The following KIAA1671 variants were observed in gnomAD, a reference collection of about 807,000 sequenced individuals.
The protein encoded by KIAA1671 is uncharacterized protein KIAA1671.
A neutral mutation model predicts 131.2 loss-of-function variants in KIAA1671; 52 were observed. The ratio of observed to expected loss-of-function variants is 0.40; its 90% CI spans 0.32 to 0.50. The LOEUF is 0.50. Ranked by LOEUF, KIAA1671 falls within the 20% of genes least tolerant of loss-of-function variation. The pLI is 0.73. For synonymous variants in KIAA1671, 1,003 were observed against 961.6 expected (o/e 1.04, Z -0.80); for missense variants, 2,360 against 2,364.2 (o/e 1.00, Z 0.04).
chr22:25,080,796 T>A (rs1367370870), intron 6 of KIAA1671, among the ~76,000 whole-genome samples: 1 of 152,122 alleles, frequency 6.6e-6, no homozygotes, highest in East Asian at 1.9e-4. Context: ...GTCTTTGCCA[T>A]ATGTAAAATA....
chr22:25,092,516 C>A (rs1035562493), intron 6 of KIAA1671, among the ~76,000 whole-genome samples: 1 of 152,036 alleles, frequency 6.6e-6, no homozygotes, highest in Non-Finnish European at 1.5e-5. Context: ...AGGCTAACCT[C>A]GTAGGATGGA....
At chr22:25,121,279 G>C (rs191096039) in intron 6 of KIAA1671, among the ~76,000 whole-genome samples, 1 of 152,026 alleles carries the variant, frequency 6.6e-6, no homozygotes, top group Non-Finnish European at 1.5e-5. Flanking sequence ...TGGCTAACAC[G>C]GTGAAAACCT....
chr22:25,111,163 G>A (rs904444244), intron 6 of KIAA1671, among the ~76,000 whole-genome samples: 1 of 152,204 alleles, frequency 6.6e-6, no homozygotes, highest in Non-Finnish European at 1.5e-5. Context: ...TGTAACCTTA[G>A]AGGCAGAAGC....
At chr22:25,096,681 C>T (rs936414420) in intron 6 of KIAA1671, among the ~76,000 whole-genome samples, 1 of 152,180 alleles carries the variant, frequency 6.6e-6, no homozygotes, top group Admixed American at 6.5e-5. Flanking sequence ...TGAGTTTTGA[C>T]GTATGTGTAT....
intron 6 of KIAA1671, among the ~76,000 whole-genome samples, chr22:25,107,467 C>A (rs1165375776): frequency 4.7e-5 from 4 of 85,480 alleles, no homozygotes; most frequent in Non-Finnish European, 6.1e-5. Context: ...CCATCCATGG[C>A]ACTTTTTTTT....
At position 25,084,970 on chromosome 22, in the gene KIAA1671, C is replaced by T. The variant is rs371095477; in HGVS notation, c.4530+35606C>T. 2.0e-5 allele frequency among the ~76,000 whole-genome samples: 3 copies of T among 152,222 alleles called. No homozygotes were observed. In the East Asian group the frequency reaches 5.8e-4, roughly 29 times the overall value. The stretch of plus-strand genomic sequence containing the variant: ...TGAGTGTTGTGGCAAAGAAGGCAAA[C>T]GCCACACTTCCCTTTATGATGGCTG... On this transcript the variant is annotated intron_variant, in intron 6 of 12. Transcript: ENST00000358431.
intron 6 of KIAA1671, among the ~76,000 whole-genome samples, chr22:25,067,509 TTC>T (rs1477168073): frequency 6.6e-5 from 10 of 151,918 alleles, no homozygotes; most frequent in Middle Eastern, 6.8e-3. Context: ...TCTCTCGTCT[TTC>T]TCTTTTTCTC....
chr22:25,116,933 G>A (rs935994671), intron 6 of KIAA1671, among the ~76,000 whole-genome samples: 7 of 152,176 alleles, frequency 4.6e-5, no homozygotes, highest in Non-Finnish European at 8.8e-5. Context: ...AACTATTGCT[G>A]TATATTAGAG....
chr22:25,025,428 T>C (rs1925893062), intron 1 of KIAA1671, among the ~76,000 whole-genome samples: 1 of 152,174 alleles, frequency 6.6e-6, no homozygotes, highest in South Asian at 2.1e-4. Context: ...ACAGGGAAGA[T>C]TTTTATTGAG....
intron 2 of KIAA1671, among the ~76,000 whole-genome samples, chr22:25,026,869 C>G (rs928294840): frequency 1.3e-5 from 2 of 152,148 alleles, no homozygotes; most frequent in Non-Finnish European, 1.5e-5. Context: ...TTCCTTCATT[C>G]TTGACTTTTG....
intron 9 of KIAA1671, chr22:25,179,207 G>T (rs1002001986): frequency 4.3e-6 from 5 of 1,170,258 alleles, no homozygotes; most frequent in Admixed American, 4.0e-5. Context: ...GGGCGGGGGT[G>T]GGGGAGGAGG....
At chr22:25,164,007 C>T (rs2145999051) in intron 6 of KIAA1671, among the ~76,000 whole-genome samples, 1 of 152,232 alleles carries the variant, frequency 6.6e-6, no homozygotes, top group South Asian at 2.1e-4. Context: ...ACATGTTACC[C>T]TGTCTCCCCA....
At chr22:25,133,863 T>C (rs1248864238) in intron 6 of KIAA1671, among the ~76,000 whole-genome samples, 2 of 152,186 alleles carry the variant, frequency 1.3e-5, no homozygotes, top group Admixed American at 6.5e-5. Flanking sequence ...TTGATTTTTA[T>C]TGGGCGGAGA....
At chr22:25,175,810 T>A (rs1049436994) in intron 8 of KIAA1671, 4 of 152,278 alleles carry the variant, frequency 2.6e-5, no homozygotes, top group Admixed American at 2.0e-4. Flanking sequence ...GGCCATGGAG[T>A]GACTCTAAAT....
intron 1 of KIAA1671, among the ~76,000 whole-genome samples, chr22:24,955,764 G>A (rs1401747145): frequency 6.6e-6 from 1 of 152,004 alleles, no homozygotes; most frequent in Non-Finnish European, 1.5e-5. Flanking sequence ...GGTGGCTCAC[G>A]CCTGTAATCC....
intron 6 of KIAA1671, among the ~76,000 whole-genome samples, chr22:25,085,254 T>C (rs1410475645): frequency 1.3e-5 from 2 of 152,214 alleles, no homozygotes; most frequent in East Asian, 1.9e-4. Flanking sequence ...AGCCATTGTT[T>C]TCCTGGCAGG....
intron 6 of KIAA1671, among the ~76,000 whole-genome samples, chr22:25,164,904 T>C (rs909248314): frequency 4.0e-5 from 6 of 148,558 alleles, no homozygotes; most frequent in Non-Finnish European, 5.9e-5. Flanking sequence ...GCCGAGATTG[T>C]CCTATTACAC....
chr22:25,000,816 C>CT (rs141521196), intron 1 of KIAA1671, among the ~76,000 whole-genome samples: 39,595 of 144,274 alleles, frequency 0.27, 5,864 homozygotes, highest in South Asian at 0.43. Context: ...CTGCACCTGG[C>CT]TTTTTTTTTT....
At chr22:25,062,424 G>A (rs73157996) in intron 6 of KIAA1671, 250 of 152,428 alleles carry the variant, frequency 1.6e-3, no homozygotes, top group Non-Finnish European at 3.2e-3. Flanking sequence ...CCAGAAGGAA[G>A]CACTGTACCT....
Sources: allele counts gnomAD v4.1 joint callset (sites outside exome capture counted in the v4.1 genomes callset), GRCh38; gene constraint gnomAD v4.1.1; transcripts MANE v1.5; gene names NCBI Gene and HGNC (gene_info 2026-07-23, HGNC 2026-07-21).